Variants in ENTREP2 observed in about 807,000 individuals in gnomAD.
ENTREP2 encodes protein ENTREP2.
At chr15:29,554,804 A>C in the ENTREP2 span, among the ~76,000 whole-genome samples, 1 of 152,148 alleles carries the variant, frequency 6.6e-6, no homozygotes, top group Non-Finnish European at 1.5e-5. Context: ...TCCTTGGGGC[A>C]ATTTGAAAAA....
chr15:29,404,500 A>C, the ENTREP2 span, among the ~76,000 whole-genome samples: 5 of 151,864 alleles, frequency 3.3e-5, no homozygotes, highest in Admixed American at 3.3e-4. Flanking sequence ...GCAGGCTGAC[A>C]CTGATCTTAC....
the ENTREP2 span, among the ~76,000 whole-genome samples, chr15:29,153,751 G>A: frequency 3.5e-4 from 54 of 152,284 alleles, no homozygotes; most frequent in Admixed American, 6.5e-4. Flanking sequence ...ATTGTGAACA[G>A]TTTCTCCCAT....
the ENTREP2 span, among the ~76,000 whole-genome samples, chr15:29,270,840 A>G: frequency 6.6e-6 from 1 of 152,234 alleles, no homozygotes; most frequent in Non-Finnish European, 1.5e-5. Flanking sequence ...TTACTTGCAA[A>G]GAAGAAACTG....
the ENTREP2 span, among the ~76,000 whole-genome samples, chr15:29,410,304 T>C: frequency 6.6e-6 from 1 of 152,176 alleles, no homozygotes; most frequent in African/African-American, 2.4e-5. Context: ...ACAAAAACAG[T>C]GTCATAGAAA....
At chr15:29,162,473 A>G in the ENTREP2 span, among the ~76,000 whole-genome samples, 3 of 152,078 alleles carry the variant, frequency 2.0e-5, no homozygotes, top group East Asian at 5.8e-4. Flanking sequence ...GGATGGGGGC[A>G]TGGTGGGAGT....
the ENTREP2 span, among the ~76,000 whole-genome samples, chr15:29,487,415 A>G: frequency 6.6e-6 from 1 of 152,222 alleles, no homozygotes; most frequent in African/African-American, 2.4e-5. Flanking sequence ...GCCACTCCAT[A>G]CAGATAAGCG....
chr15:29,123,712 A>G, the ENTREP2 span: 1 of 1,475,474 alleles, frequency 6.8e-7, no homozygotes. Context: ...AAGTTAACTC[A>G]AAAGCAAAGA....
chr15:29,200,786 T>C, the ENTREP2 span, among the ~76,000 whole-genome samples: 1 of 152,166 alleles, frequency 6.6e-6, no homozygotes, highest in Non-Finnish European at 1.5e-5. Flanking sequence ...GGTCTTGGAC[T>C]CCTGACCTCA....
the ENTREP2 span, chr15:29,373,602 TTTA>T: frequency 2.6e-5 from 4 of 152,080 alleles, no homozygotes; most frequent in East Asian, 7.7e-4. Context: ...TTTCATTCTC[TTTA>T]TTATTTTTTT....
the ENTREP2 span, among the ~76,000 whole-genome samples, chr15:29,327,377 G>A: frequency 1.3e-5 from 2 of 152,178 alleles, no homozygotes; most frequent in East Asian, 1.9e-4. Flanking sequence ...GGAGGATCAC[G>A]AGATTAGGAG....
the ENTREP2 span, among the ~76,000 whole-genome samples, chr15:29,656,993 G>T: frequency 6.6e-6 from 1 of 152,062 alleles, no homozygotes; most frequent in Non-Finnish European, 1.5e-5. Context: ...TGCCGGCCAG[G>T]GTGTTCGTGG....
the ENTREP2 span, among the ~76,000 whole-genome samples, chr15:29,309,955 G>A: frequency 2.6e-5 from 4 of 152,116 alleles, no homozygotes; most frequent in South Asian, 2.1e-4. Context: ...AGGGAAACAC[G>A]GGGCCTGGGA....
At chr15:29,380,555 C>G in the ENTREP2 span, among the ~76,000 whole-genome samples, 9 of 152,148 alleles carry the variant, frequency 5.9e-5, no homozygotes, top group Non-Finnish European at 8.8e-5. Context: ...AATGCATACA[C>G]TGAGAAGAAC....
chr15:29,347,668 A>G, the ENTREP2 span, among the ~76,000 whole-genome samples: 3 of 152,206 alleles, frequency 2.0e-5, no homozygotes, highest in African/African-American at 7.2e-5. Flanking sequence ...GGAAAGTGCT[A>G]GGAAACGATG....
the ENTREP2 span, among the ~76,000 whole-genome samples, chr15:29,562,762 G>T: frequency 2.7e-5 from 4 of 147,384 alleles, no homozygotes; most frequent in South Asian, 9.0e-4. Flanking sequence ...GTTGTTGTTG[G>T]TTTTTTTTGG....
chr15:29,523,147 G>C, the ENTREP2 span, among the ~76,000 whole-genome samples: 2 of 152,176 alleles, frequency 1.3e-5, no homozygotes, highest in African/African-American at 4.8e-5. Flanking sequence ...GCTGTCAACT[G>C]CCTGCCTGGC....
At chr15:29,628,445 T>C in the ENTREP2 span, among the ~76,000 whole-genome samples, 22,691 of 152,222 alleles carry the variant, frequency 0.15, 2,189 homozygotes, top group African/African-American at 0.26. Flanking sequence ...GGTTTTCATC[T>C]ATCTTAAATG....
chr15:29,444,202 G>GAAAGA, the ENTREP2 span, among the ~76,000 whole-genome samples: 2 of 142,754 alleles, frequency 1.4e-5, no homozygotes, highest in African/African-American at 5.6e-5. Context: ...AAGAAAGAAA[G>GAAAGA]AAAGAAAGAA....
At chr15:29,331,923 G>A in the ENTREP2 span, among the ~76,000 whole-genome samples, 11 of 152,172 alleles carry the variant, frequency 7.2e-5, no homozygotes, top group Non-Finnish European at 1.5e-4. Context: ...GAAAGTCTAA[G>A]GGGAGGGACA....
Sources: gnomAD v4.1 joint callset for allele counts (sites outside exome capture counted in the v4.1 genomes callset) on GRCh38, gnomAD v4.1.1 for gene constraint, MANE v1.5 for transcripts, NCBI Gene and HGNC (gene_info 2026-07-23, HGNC 2026-07-21) for gene names.